PCDH15: variants seen among roughly 807,000 people sequenced by gnomAD.
The protein encoded by PCDH15 is protocadherin related 15, also known as protocadherin-15.
Under a neutral mutation model 178.5 loss-of-function variants are expected in PCDH15, and 129 were observed. The observed-to-expected ratio is 0.72, with a 90% confidence interval of 0.63 to 0.84. The LOEUF is 0.84. PCDH15 is among the 40% of genes least tolerant of loss of function. The pLI is 0.00. For missense variants in PCDH15, 2,230 were observed against 2,099.9 expected, an observed-to-expected ratio of 1.06 and a Z score of -1.21; for synonymous variants, 800 against 732.0, an observed-to-expected ratio of 1.09 and a Z score of -1.50.
intron 2 of PCDH15, chr10:55,575,612 C>T (rs1842481451): frequency 6.6e-6 from 1 of 152,130 alleles, no homozygotes; most frequent in Non-Finnish European, 1.5e-5. Context: ...AAATTATCAA[C>T]AAATGTTAAC....
chr10:54,880,180 G>A (rs973709), intron 3 of PCDH15, among the ~76,000 whole-genome samples: 93,277 of 151,482 alleles, frequency 0.62, 29,392 homozygotes, highest in African/African-American at 0.75. Context: ...ATATTTCCCT[G>A]AACTACGATT....
intron 14 of PCDH15, among the ~76,000 whole-genome samples, chr10:54,144,622 G>A (rs1040138356): frequency 9.9e-5 from 15 of 152,156 alleles, no homozygotes; most frequent in Middle Eastern, 6.8e-3. Flanking sequence ...TCGCCTCAGC[G>A]GCAGCACCCA....
intron 28 of PCDH15, among the ~76,000 whole-genome samples, chr10:53,842,160 G>T (rs1053843538): frequency 1.3e-5 from 2 of 152,130 alleles, no homozygotes; most frequent in Non-Finnish European, 2.9e-5. Flanking sequence ...ATATAATGTT[G>T]AGGAGTACAG....
intron 3 of PCDH15, among the ~76,000 whole-genome samples, chr10:54,503,559 C>A (rs2080911240): frequency 6.6e-6 from 1 of 151,198 alleles, no homozygotes. Context: ...ATGGGCTTGA[C>A]TCACATAGCT....
chr10:54,921,967 CA>C (rs1837501837), intron 2 of PCDH15, among the ~76,000 whole-genome samples: 1 of 152,106 alleles, frequency 6.6e-6, no homozygotes, highest in South Asian at 2.1e-4. Flanking sequence ...CACTTTCAAA[CA>C]ATCAGATCTT....
intron 8 of PCDH15, among the ~76,000 whole-genome samples, chr10:54,255,618 A>G (rs571672595): frequency 6.6e-6 from 1 of 152,222 alleles, no homozygotes; most frequent in African/African-American, 2.4e-5. Flanking sequence ...TTCATATGCT[A>G]TTTTTTGCTG....
chr10:55,497,881 AGTG>A (rs1215551284), intron 2 of PCDH15, among the ~76,000 whole-genome samples: 8 of 151,914 alleles, frequency 5.3e-5, no homozygotes, highest in Non-Finnish European at 1.2e-4. Context: ...GAAATGGAAA[AGTG>A]AACTCTCTTC....
At chr10:53,887,198 C>A (rs1367470266) in intron 26 of PCDH15, among the ~76,000 whole-genome samples, 1 of 152,146 alleles carries the variant, frequency 6.6e-6, no homozygotes. Context: ...GCTACTACCA[C>A]CTGTAATATA....
At chr10:54,830,653 G>A (rs1397416605) in intron 3 of PCDH15, among the ~76,000 whole-genome samples, 2 of 151,674 alleles carry the variant, frequency 1.3e-5, no homozygotes, top group Non-Finnish European at 2.9e-5. Flanking sequence ...GTTAATGGGT[G>A]CAGCACAACA....
chr10:54,599,087 A>C (rs1337413888), intron 2 of PCDH15, among the ~76,000 whole-genome samples: 1 of 152,106 alleles, frequency 6.6e-6, no homozygotes, highest in Admixed American at 6.6e-5. Flanking sequence ...ATTCCTATCT[A>C]ATTAGCAACT....
intron 1 of PCDH15, among the ~76,000 whole-genome samples, chr10:55,285,548 T>G (rs1443964917): frequency 6.6e-6 from 1 of 151,796 alleles, no homozygotes; most frequent in Non-Finnish European, 1.5e-5. Flanking sequence ...GGATGTTCAT[T>G]TTTTTTCTTT....
At chr10:54,607,488 A>G (rs2092793066) in intron 2 of PCDH15, among the ~76,000 whole-genome samples, 1 of 152,030 alleles carries the variant, frequency 6.6e-6, no homozygotes, top group Non-Finnish European at 1.5e-5. Context: ...GCATACAGGA[A>G]ATCCAGGTCC....
intron 26 of PCDH15, among the ~76,000 whole-genome samples, chr10:53,888,339 T>C (rs61858326): frequency 0.64 from 68,778 of 107,638 alleles, 24,112 homozygotes; most frequent in East Asian, 0.88. Context: ...TATGTACGTA[T>C]ATATATATAC....
At chr10:54,106,859 G>T (rs1393913616) in intron 15 of PCDH15, among the ~76,000 whole-genome samples, 1 of 152,144 alleles carries the variant, frequency 6.6e-6, no homozygotes, top group Non-Finnish European at 1.5e-5. Flanking sequence ...ATAGCTTGAA[G>T]GCTTAAGTGT....
At chr10:55,465,182 A>C (rs893830213) in intron 2 of PCDH15, among the ~76,000 whole-genome samples, 11 of 152,306 alleles carry the variant, frequency 7.2e-5, no homozygotes, top group Admixed American at 4.6e-4. Context: ...GAGGGCTGGC[A>C]GTCTGAAATC....
intron 28 of PCDH15, among the ~76,000 whole-genome samples, chr10:53,855,904 G>A (rs11003885): frequency 0.041 from 4,450 of 109,404 alleles, 500 homozygotes; most frequent in African/African-American, 0.16. Context: ...AAGGTGATAT[G>A]TATATATATA....
chr10:54,727,125 CA>C (rs1436354152), intron 1 of PCDH15, among the ~76,000 whole-genome samples: 1 of 151,242 alleles, frequency 6.6e-6, no homozygotes, highest in South Asian at 2.1e-4. Context: ...ATTTCTCCAA[CA>C]AAAAACAGCA....
At chr10:55,436,373 T>G (rs1839040374) in intron 2 of PCDH15, among the ~76,000 whole-genome samples, 1 of 152,120 alleles carries the variant, frequency 6.6e-6, no homozygotes, top group Admixed American at 6.5e-5. Flanking sequence ...TTAAATAATT[T>G]TTCAGTTTTA....
chr10:53,956,205 T>A (rs2087597217), intron 23 of PCDH15, among the ~76,000 whole-genome samples: 1 of 152,122 alleles, frequency 6.6e-6, no homozygotes, highest in South Asian at 2.1e-4. Context: ...TGCAGACCAC[T>A]TAGTTCCATA....
Sources: gnomAD v4.1 joint callset for allele counts (sites outside exome capture counted in the v4.1 genomes callset) on GRCh38, gnomAD v4.1.1 for gene constraint, MANE v1.5 for transcripts, NCBI Gene and HGNC (gene_info 2026-07-23, HGNC 2026-07-21) for gene names.